SGCZ: variants seen among roughly 807,000 people sequenced by gnomAD.
SGCZ encodes sarcoglycan zeta.
In SGCZ, 40 loss-of-function variants were observed where a neutral mutation model predicts 41.3. The observed-to-expected ratio is 0.97, with a 90% CI of 0.75 to 1.26. The LOEUF is 1.26. Ranked by LOEUF, SGCZ falls within the 50% of genes most tolerant of loss-of-function variation. SGCZ has a pLI of 0.00. For missense variants in SGCZ, 552 were observed against 369.8 expected, an observed-to-expected ratio of 1.49 and a Z score of -4.04; for synonymous variants, 206 against 137.5, an observed-to-expected ratio of 1.50 and a Z score of -3.49.
intron 1 of SGCZ, among the ~76,000 whole-genome samples, chr8:14,778,314 A>C (rs1228390075): frequency 6.6e-6 from 1 of 152,180 alleles, no homozygotes; most frequent in East Asian, 1.9e-4. Flanking sequence ...TATATTTCAG[A>C]ATAGGATTTC....
intron 1 of SGCZ, among the ~76,000 whole-genome samples, chr8:14,707,114 C>T (rs541379881): frequency 8.1e-4 from 123 of 151,184 alleles, no homozygotes; most frequent in African/African-American, 2.8e-3. Context: ...ATACATGTGC[C>T]ATGTTGGTGT....
intron 1 of SGCZ, among the ~76,000 whole-genome samples, chr8:14,650,735 G>A (rs7814372): frequency 0.17 from 26,434 of 151,958 alleles, 2,718 homozygotes; most frequent in African/African-American, 0.29. Flanking sequence ...AGGACAAGGA[G>A]GAAAGCAATG....
intron 2 of SGCZ, among the ~76,000 whole-genome samples, chr8:14,425,389 G>A (rs548563025): frequency 6.6e-6 from 1 of 152,228 alleles, no homozygotes; most frequent in Non-Finnish European, 1.5e-5. Context: ...GGGAGGCCGA[G>A]GCAGGTGGAT....
At chr8:15,060,223 T>A (rs778190522) in intron 1 of SGCZ, among the ~76,000 whole-genome samples, 1 of 152,186 alleles carries the variant, frequency 6.6e-6, no homozygotes, top group East Asian at 1.9e-4. Context: ...TGCACACATA[T>A]GTTTATTGCA....
intron 1 of SGCZ, among the ~76,000 whole-genome samples, chr8:15,039,205 A>T (rs1803983406): frequency 6.6e-6 from 1 of 152,182 alleles, no homozygotes; most frequent in South Asian, 2.1e-4. Context: ...CATTCACAAT[A>T]GCCAAGATAT....
chr8:14,111,975 C>T (rs979049203), intron 5 of SGCZ, among the ~76,000 whole-genome samples: 5 of 152,068 alleles, frequency 3.3e-5, no homozygotes, highest in African/African-American at 9.7e-5. Context: ...ATTCTAAATG[C>T]TATCTATACT....
At chr8:14,714,030 C>A (rs756086982) in intron 1 of SGCZ, among the ~76,000 whole-genome samples, 1 of 152,048 alleles carries the variant, frequency 6.6e-6, no homozygotes, top group African/African-American at 2.4e-5. Context: ...TGCAATGGTG[C>A]GATCTCAGCT....
chr8:14,409,950 T>A lies in SGCZ; in HGVS notation c.235-85746A>T, dbSNP rs550121519. Among the ~76,000 whole-genome samples, 5 of 152,134 alleles carry A rather than the reference T, an allele frequency of 3.3e-5. No individual in the cohort carries two copies. The South Asian group carries it at 1.0e-3, about 32-fold the overall frequency. On this transcript the variant is annotated intron_variant, in intron 2 of 7. Coordinates refer to ENST00000382080, the MANE Select transcript of SGCZ (RefSeq NM_139167.4). ...TAGCTTTCCCTTAAAATCAATGAGT[T>A]TATTAGAACAGGGGTCCCCAACTCC...
At chr8:14,233,184 G>A (rs552795608) in intron 4 of SGCZ, among the ~76,000 whole-genome samples, 1 of 151,764 alleles carries the variant, frequency 6.6e-6, no homozygotes, top group Non-Finnish European at 1.5e-5. Context: ...TTATCCTTCA[G>A]CTATAGACTG....
intron 5 of SGCZ, chr8:14,161,280 T>G (rs1015940259): frequency 6.6e-6 from 1 of 152,222 alleles, no homozygotes. Flanking sequence ...TTTGATATTT[T>G]TATTTTTCTT....
chr8:14,499,633 G>A (rs1802092919), intron 2 of SGCZ, among the ~76,000 whole-genome samples: 1 of 151,916 alleles, frequency 6.6e-6, no homozygotes, highest in Non-Finnish European at 1.5e-5. Context: ...TGACAGGTCA[G>A]AATTTCTTCT....
intron 1 of SGCZ, among the ~76,000 whole-genome samples, chr8:14,576,072 G>T (rs1319550220): frequency 6.6e-6 from 1 of 152,164 alleles, no homozygotes. Flanking sequence ...TGTAAGTCAT[G>T]CTCACAAGCA....
intron 2 of SGCZ, among the ~76,000 whole-genome samples, chr8:14,463,005 A>G (rs1171037621): frequency 2.0e-5 from 3 of 151,770 alleles, no homozygotes; most frequent in Non-Finnish European, 4.4e-5. Flanking sequence ...TTTAATGTAT[A>G]AAATACAACT....
chr8:14,844,168 A>G (rs974845218), intron 1 of SGCZ, among the ~76,000 whole-genome samples: 5 of 152,068 alleles, frequency 3.3e-5, no homozygotes, highest in African/African-American at 1.2e-4. Context: ...ATGGCATAGT[A>G]TTTACATATA....
chr8:14,108,466 C>G (rs891842993), intron 5 of SGCZ, among the ~76,000 whole-genome samples: 1 of 152,032 alleles, frequency 6.6e-6, no homozygotes, highest in Non-Finnish European at 1.5e-5. Context: ...AGAATCATGG[C>G]GGGAGGCAAC....
intron 1 of SGCZ, among the ~76,000 whole-genome samples, chr8:14,808,952 T>G (rs569154688): frequency 6.6e-6 from 1 of 151,042 alleles, no homozygotes; most frequent in Non-Finnish European, 1.5e-5. Flanking sequence ...AAATTGGAAA[T>G]CATCATTCTC....
At chr8:15,171,522 G>C (rs1047919101) in intron 1 of SGCZ, among the ~76,000 whole-genome samples, 3 of 152,176 alleles carry the variant, frequency 2.0e-5, no homozygotes, top group African/African-American at 7.2e-5. Context: ...ATCACTCAAA[G>C]TCTAAAAGCT....
chr8:14,319,192 A>C (rs1246923102), intron 3 of SGCZ, among the ~76,000 whole-genome samples: 1 of 151,984 alleles, frequency 6.6e-6, no homozygotes, highest in Non-Finnish European at 1.5e-5. Flanking sequence ...AAATAGGTAA[A>C]ATTTCTCTGA....
At chr8:14,267,539 G>A (rs887281689) in intron 3 of SGCZ, among the ~76,000 whole-genome samples, 1 of 151,966 alleles carries the variant, frequency 6.6e-6, no homozygotes, top group African/African-American at 2.4e-5. Context: ...TGTCCATTCT[G>A]GTATCGCCTA....
Sources: gnomAD v4.1 joint callset for allele counts (sites outside exome capture counted in the v4.1 genomes callset) on GRCh38, gnomAD v4.1.1 for gene constraint, MANE v1.5 for transcripts, NCBI Gene and HGNC (gene_info 2026-07-23, HGNC 2026-07-21) for gene names.